The following NREP variants were observed in gnomAD, a reference collection of about 807,000 sequenced individuals.
The protein encoded by NREP is neuronal regeneration related protein, also known as neuronal regeneration-related protein.
Under a neutral mutation model 8.6 loss-of-function variants are expected in NREP, and 5 were observed. The observed-to-expected ratio is 0.58, with a 90% CI of 0.30 to 1.22. The LOEUF (loss-of-function observed/expected upper bound fraction) is 1.22, where lower values mean the gene tolerates loss of function less well. NREP is among the 50% of genes most tolerant of loss of function. The probability of loss-of-function intolerance (pLI) is 0.07; values close to 1 mark genes in which losing one functional copy is unlikely to be tolerated. For synonymous variants in NREP, 27 were observed against 28.0 expected (o/e 0.96, Z 0.11); for missense variants, 86 against 82.5 (o/e 1.04, Z -0.17).
At chr5:111,732,193 G>A (rs943731089) in intron 3 of NREP, 1 of 152,082 alleles carries the variant, frequency 6.6e-6, no homozygotes, top group African/African-American at 2.4e-5. Flanking sequence ...TTACTTTGTG[G>A]CCTATAAATT....
chr5:111,794,160 C>G (rs1248638177), intron 2 of NREP, among the ~76,000 whole-genome samples: 2 of 152,210 alleles, frequency 1.3e-5, no homozygotes, highest in East Asian at 3.8e-4. Flanking sequence ...ATCTAAAACA[C>G]TGACAACATC....
intron 2 of NREP, among the ~76,000 whole-genome samples, chr5:111,938,708 T>C (rs2112612069): frequency 6.6e-6 from 1 of 152,162 alleles, no homozygotes; most frequent in South Asian, 2.1e-4. Flanking sequence ...AATGCCTTCG[T>C]ACGTGTAAAG....
At chr5:111,784,134 C>G (rs558102343) in intron 2 of NREP, among the ~76,000 whole-genome samples, 2 of 152,240 alleles carry the variant, frequency 1.3e-5, no homozygotes, top group Admixed American at 1.3e-4. Context: ...AGAAGGTTTG[C>G]TATTTTCTAC....
At chr5:111,798,324 A>G (rs1368970961) in intron 2 of NREP, among the ~76,000 whole-genome samples, 1 of 152,166 alleles carries the variant, frequency 6.6e-6, no homozygotes, top group Non-Finnish European at 1.5e-5. Flanking sequence ...TAATTTCATA[A>G]CTTTGTCTAT....
intron 2 of NREP, among the ~76,000 whole-genome samples, chr5:111,961,331 A>G (rs1756475549): frequency 6.6e-6 from 1 of 152,242 alleles, no homozygotes; most frequent in Non-Finnish European, 1.5e-5. Context: ...GAGGAAAATA[A>G]GTGTTAATAA....
chr5:111,771,735 C>T (rs532952941), intron 2 of NREP, among the ~76,000 whole-genome samples: 11 of 150,462 alleles, frequency 7.3e-5, no homozygotes, highest in Non-Finnish European at 1.0e-4. Flanking sequence ...TGCACTCCAG[C>T]CTGGGCAACA....
intron 2 of NREP, among the ~76,000 whole-genome samples, chr5:111,824,226 T>A: frequency 6.6e-6 from 1 of 151,948 alleles, no homozygotes; most frequent in East Asian, 1.9e-4. Flanking sequence ...AAAATTAGCC[T>A]GGCGTAGTGG....
intron 2 of NREP, among the ~76,000 whole-genome samples, chr5:111,883,288 G>A (rs1453731542): frequency 4.6e-5 from 7 of 152,256 alleles, no homozygotes; most frequent in Middle Eastern, 3.4e-3. Context: ...CTAAATATAT[G>A]TGCACCCAAT....
At chr5:111,777,078 G>A (rs1457840080) in intron 2 of NREP, among the ~76,000 whole-genome samples, 1 of 151,920 alleles carries the variant, frequency 6.6e-6, no homozygotes, top group Admixed American at 6.6e-5. Context: ...AGCTATATAT[G>A]TACCCATATA....
intron 2 of NREP, among the ~76,000 whole-genome samples, chr5:111,764,545 G>A (rs181420042): frequency 6.0e-4 from 92 of 152,196 alleles, no homozygotes; most frequent in African/African-American, 2.0e-3. Context: ...TCACTATCAC[G>A]AGAGCAGCAT....
chr5:111,945,893 G>C (rs867538236), intron 2 of NREP, among the ~76,000 whole-genome samples: 1 of 151,976 alleles, frequency 6.6e-6, no homozygotes, highest in Admixed American at 6.6e-5. Context: ...ATTTACTGTA[G>C]ATTGGCTCAC....
chr5:111,936,847 C>T (rs1755697897), intron 2 of NREP, among the ~76,000 whole-genome samples: 1 of 152,078 alleles, frequency 6.6e-6, no homozygotes, highest in African/African-American at 2.4e-5. Context: ...TCTGAGTGGG[C>T]AGCTCTAGGC....
chr5:111,743,886 T>C (rs893338384), intron 2 of NREP, among the ~76,000 whole-genome samples: 13 of 152,302 alleles, frequency 8.5e-5, no homozygotes, highest in African/African-American at 3.1e-4. Flanking sequence ...CAAAAATTAC[T>C]GTGCTATCCA....
In NREP at chr5:111,753,363, TATG is replaced by T. The variant is rs1179631052; in HGVS notation, c.3+2404_3+2406del. On this transcript the variant is annotated intron_variant, in intron 2 of 3. Transcript: ENST00000257435. ...ATATATATATATATATGTATATATA[TATG>T]ATATGTAGATATATATAGATTATAT... Among the ~76,000 whole-genome samples the T allele has an allele frequency of 6.4e-3, 950 of 147,698 alleles. 14 individuals carry two copies. Among genetic ancestry groups the T allele is most frequent in the African/African-American group, 0.022 (896 of 40,706 alleles).
intron 2 of NREP, among the ~76,000 whole-genome samples, chr5:111,909,351 C>A (rs1754854030): frequency 6.6e-6 from 1 of 151,930 alleles, no homozygotes; most frequent in South Asian, 2.1e-4. Context: ...TTAAGACATG[C>A]AGAACAAAAC....
intron 2 of NREP, among the ~76,000 whole-genome samples, chr5:111,885,776 A>G (rs1264728970): frequency 6.6e-6 from 1 of 152,228 alleles, no homozygotes; most frequent in African/African-American, 2.4e-5. Flanking sequence ...CATATGTAGA[A>G]AGCTGAAACT....
chr5:111,919,980 C>G (rs1433434679), intron 2 of NREP, among the ~76,000 whole-genome samples: 2 of 145,292 alleles, frequency 1.4e-5, no homozygotes, highest in African/African-American at 2.5e-5. Flanking sequence ...AATACCCCCC[C>G]CCCCCACACA....
At chr5:111,776,507 T>G (rs1751362621) in intron 2 of NREP, among the ~76,000 whole-genome samples, 1 of 152,106 alleles carries the variant, frequency 6.6e-6, no homozygotes, top group Non-Finnish European at 1.5e-5. Flanking sequence ...CCAAAAGACA[T>G]GCGCAAGTCT....
At chr5:111,883,480 A>T (rs1157619003) in intron 2 of NREP, among the ~76,000 whole-genome samples, 2 of 152,184 alleles carry the variant, frequency 1.3e-5, no homozygotes, top group Non-Finnish European at 2.9e-5. Context: ...GACCTAATAG[A>T]CATCTACAGA....
Sources: gnomAD v4.1 joint callset for allele counts (sites outside exome capture counted in the v4.1 genomes callset) on GRCh38, gnomAD v4.1.1 for gene constraint, MANE v1.5 for transcripts, NCBI Gene and HGNC (gene_info 2026-07-23, HGNC 2026-07-21) for gene names.